TRIM37: variants seen among roughly 807,000 people sequenced by gnomAD.
TRIM37 encodes tripartite motif containing 37, also known as E3 ubiquitin-protein ligase TRIM37.
In TRIM37, 80 loss-of-function variants were observed where a neutral mutation model predicts 129.8. The ratio of observed to expected loss-of-function variants is 0.62; its 90% CI spans 0.51 to 0.74. The LOEUF is 0.74. TRIM37 is among the 30% of genes least tolerant of loss of function. The pLI is 0.00. For synonymous variants in TRIM37, 389 were observed against 387.1 expected (o/e 1.00, Z -0.06); for missense variants, 1,054 against 1,176.5 (o/e 0.90, Z 1.52).
chr17:59,001,819 A>G lies in TRIM37; in HGVS notation c.2696-105T>C, dbSNP rs1025204929. ...AACTGAGATTCCTATTGAATTTTAC[A>G]TGGAATGCCAAGAATTCAACAAACT... is the stretch of plus-strand genomic sequence containing the variant. On this transcript the variant is annotated intron_variant, in intron 22 of 23. Coordinates refer to ENST00000262294, the MANE Select transcript of TRIM37 (RefSeq NM_015294.6). The G allele has an allele frequency of 5.4e-6, 8 of 1,475,620 alleles. No homozygotes were observed. The Admixed American group carries it at 9.8e-5, about 18-fold the overall frequency. The allele number at this position is 1,475,620 out of a possible 1,614,324, so 91.4% of individuals were successfully genotyped here. A position where few individuals can be genotyped will look rare whatever the true frequency, so the allele number is the denominator to read the frequency against.
chr17:59,076,171 A>G (rs2146927508), intron 7 of TRIM37, among the ~76,000 whole-genome samples: 1 of 152,202 alleles, frequency 6.6e-6, no homozygotes, highest in South Asian at 2.1e-4. Context: ...TCCTGTGAAT[A>G]TACAAGGACC....
rs2033307562 is a variant in TRIM37 at position 58,998,891 on chromosome 17, C to G, written c.*486G>C. On this transcript the variant is annotated 3_prime_UTR_variant, in exon 24 of 24. Transcript: ENST00000262294. ...TCACATAGTGTCTACAGGGCAGAAT[C>G]TCTTCCAAAGCAATTTTCTGTTCAC... The G allele has an allele frequency of 3.0e-6, 3 of 1,015,026 alleles. No homozygotes were observed. The highest frequency in any genetic ancestry group is 3.5e-6 in the Non-Finnish European group (3 of 847,266). The allele number at this position is 1,015,026 out of a possible 1,614,324, so 62.9% of individuals were successfully genotyped here. A position where few individuals can be genotyped will look rare whatever the true frequency, so the allele number is the denominator to read the frequency against.
At chr17:59,022,662 T>G (rs906700681) in intron 19 of TRIM37, among the ~76,000 whole-genome samples, 1 of 152,210 alleles carries the variant, frequency 6.6e-6, no homozygotes, top group Non-Finnish European at 1.5e-5. Flanking sequence ...TTAGAATAGT[T>G]AGAATAATGT....
chr17:59,028,741 A>C lies in TRIM37; in HGVS notation c.1949-18T>G. Reference sequence around the variant, plus strand: ...ATATGATGCTTCAGAGAAATTGACAAGTCATGTTAACATAAACGTTAATAT... The same window carrying C: ...ATATGATGCTTCAGAGAAATTGACACGTCATGTTAACATAAACGTTAATAT... On this transcript the variant is annotated intron_variant, in intron 18 of 23. Transcript: ENST00000262294. 4 of 1,613,554 alleles carry C rather than the reference A, an allele frequency of 2.5e-6. No homozygotes were observed. Among genetic ancestry groups the C allele is most frequent in the Non-Finnish European group, 3.4e-6 (4 of 1,179,500 alleles).
intron 13 of TRIM37, among the ~76,000 whole-genome samples, chr17:59,053,985 C>A (rs2040595883): frequency 6.6e-6 from 1 of 152,030 alleles, no homozygotes; most frequent in Non-Finnish European, 1.5e-5. Flanking sequence ...CACTGAAAAT[C>A]ATATCCCTTG....
intron 7 of TRIM37, among the ~76,000 whole-genome samples, chr17:59,077,094 T>C (rs1178480104): frequency 6.6e-6 from 1 of 151,942 alleles, no homozygotes; most frequent in Non-Finnish European, 1.5e-5. Flanking sequence ...GGCCTTTATT[T>C]ATTTTTATTT....
At chr17:59,037,408 A>T (rs79143863) in intron 17 of TRIM37, among the ~76,000 whole-genome samples, 37 of 151,184 alleles carry the variant, frequency 2.4e-4, no homozygotes, top group Admixed American at 6.6e-4. Flanking sequence ...AATACAAAAA[A>T]TCAGCCGGGC....
intron 7 of TRIM37, among the ~76,000 whole-genome samples, chr17:59,077,195 A>G (rs1467239586): frequency 6.6e-6 from 1 of 151,752 alleles, no homozygotes; most frequent in East Asian, 1.9e-4. Context: ...CTCAGGCTCA[A>G]GCGATCCTCC....
intron 9 of TRIM37, among the ~76,000 whole-genome samples, chr17:59,066,411 T>G (rs1184964364): frequency 2.6e-5 from 4 of 152,248 alleles, no homozygotes; most frequent in Non-Finnish European, 5.9e-5. Context: ...ATTTCCTGTG[T>G]TGTTGTTACT....
chr17:59,042,201 C>T (rs1213527025), intron 16 of TRIM37, among the ~76,000 whole-genome samples: 1 of 149,944 alleles, frequency 6.7e-6, no homozygotes, highest in Non-Finnish European at 1.5e-5. Context: ...ACGGTGAAAC[C>T]CTGTCTCTAC....
chr17:58,993,112 T>G (rs1282036689), intron 24 of TRIM37, among the ~76,000 whole-genome samples: 1 of 152,128 alleles, frequency 6.6e-6, no homozygotes, highest in East Asian at 1.9e-4. Flanking sequence ...CCTCATGAGA[T>G]CTGATGGTTT....
chr17:58,980,266 A>C, downstream of TRIM37: 2 of 1,614,234 alleles, frequency 1.2e-6, no homozygotes, highest in South Asian at 1.1e-5. The surrounding 1 kb of genome is among the most constrained non-coding windows in gnomAD (Gnocchi z 4.7). Context: ...GTGAGGAATC[A>C]GATTGGACAG....
intron 19 of TRIM37, among the ~76,000 whole-genome samples, chr17:59,019,841 ATGT>A (rs2036376186): frequency 6.6e-6 from 1 of 152,194 alleles, no homozygotes; most frequent in Admixed American, 6.5e-5. Flanking sequence ...GTTAATGAAA[ATGT>A]TCTTAGACTT....
intron 22 of TRIM37, among the ~76,000 whole-genome samples, chr17:59,011,219 T>C (rs1270184983): frequency 6.6e-6 from 1 of 152,002 alleles, no homozygotes; most frequent in East Asian, 1.9e-4. Context: ...ACAGGCCCAT[T>C]CTATAAAGAT....
rs545619387 is a variant in TRIM37 at position 58,987,357 on chromosome 17, G to C, written c.2892-4436C>G. On this transcript the variant is annotated intron_variant, in intron 24 of 24. Transcript: ENST00000393066. ...TCAAATGAAACCCAGTGGGAGGTGA[G>C]CCTATGCAGCAGCCTTTCCCAAATG... Among the ~76,000 whole-genome samples the C allele has an allele frequency of 2.5e-3, 374 of 152,284 alleles. 2 individuals carry two copies. The highest frequency in any genetic ancestry group is 3.7e-3 in the Non-Finnish European group (252 of 68,032).
downstream of TRIM37, chr17:58,982,585 G>T (rs1567903264): frequency 1.5e-5 from 4 of 273,764 alleles, no homozygotes; most frequent in South Asian, 2.6e-4. Context: ...ACAGATGACT[G>T]GCATATTTTG....
chr17:59,092,936 A>C (rs945091639), intron 2 of TRIM37, among the ~76,000 whole-genome samples: 12 of 152,240 alleles, frequency 7.9e-5, no homozygotes, highest in African/African-American at 2.9e-4. Flanking sequence ...GTGGATCACG[A>C]GGTCAGGAGT....
At chr17:59,102,952 A>T (rs928725851) in intron 2 of TRIM37, among the ~76,000 whole-genome samples, 2 of 151,970 alleles carry the variant, frequency 1.3e-5, no homozygotes, top group African/African-American at 4.8e-5. Flanking sequence ...TGCTCACTGC[A>T]ACCTCTGCCT....
At chr17:59,056,263 C>A (rs1326202630) in intron 13 of TRIM37, among the ~76,000 whole-genome samples, 1 of 151,666 alleles carries the variant, frequency 6.6e-6, no homozygotes, top group Non-Finnish European at 1.5e-5. Context: ...AAGCTGGTCT[C>A]AAACTCCTGG....
Sources: gnomAD v4.1 joint callset for allele counts (sites outside exome capture counted in the v4.1 genomes callset) on GRCh38, gnomAD v4.1.1 for gene constraint, Gnocchi (gnomAD v3.1) non-coding constraint, MANE v1.5 for transcripts, NCBI Gene and HGNC (gene_info 2026-07-23, HGNC 2026-07-21) for gene names.